CHAT: variants seen among roughly 807,000 people sequenced by gnomAD.
CHAT encodes acetyl CoA:choline O-acetyltransferase.
A neutral mutation model predicts 76.9 loss-of-function variants in CHAT; 61 were observed. That is an observed-to-expected ratio of 0.79 (90% CI 0.65 to 0.98). The LOEUF (loss-of-function observed/expected upper bound fraction) is 0.98. CHAT is among the 50% of genes least tolerant of loss of function. The pLI, the probability that CHAT is intolerant of heterozygous loss-of-function variation, is 0.00. For missense variants in CHAT, 946 were observed against 986.9 expected (o/e 0.96, Z 0.56); for synonymous variants, 407 against 397.4 (o/e 1.02, Z -0.29).
intron 4 of CHAT, 77 bp from the exon 5 acceptor site, chr10:49,622,020 G>C (rs1838739681): frequency 1.3e-6 from 2 of 1,511,180 alleles, no homozygotes; most frequent in Non-Finnish European, 1.8e-6. Context: ...GAAGGAGGGA[G>C]GGGAGGCAGA....
rs199675090 is a variant in CHAT at position 49,619,751 on chromosome 10, G to A, written c.414G>A (p.Pro138=). ...GGCTGCCCAAACTGCCCGTGCCCCC[G>A]CTGCAGCAGACCCTGGCCACGTACC... The part of the protein sequence containing the change: ...ESGLPKLPVP[P]LQQTLATYLQ... Residue 138 remains proline, a synonymous_variant, in exon 3 of 15, where the codon CCG becomes CCA. Coordinates refer to ENST00000337653, the MANE Select transcript of CHAT (RefSeq NM_020549.5). 1.2e-5 allele frequency: 20 copies of A among 1,613,048 alleles called. No homozygotes were observed. Among genetic ancestry groups the A allele is most frequent in the Middle Eastern group, 1.8e-4 (1 of 5,652 alleles).
intron 4 of CHAT, among the ~76,000 whole-genome samples, chr10:49,621,486 A>G (rs1251085643): frequency 1.3e-5 from 2 of 152,204 alleles, no homozygotes; most frequent in Non-Finnish European, 2.9e-5. Flanking sequence ...CTGGTATGAC[A>G]GTTCCCGCTG....
intron 7 of CHAT, 131 bp from the exon 8 acceptor site, chr10:49,646,374 G>A: frequency 8.5e-7 from 1 of 1,176,000 alleles, no homozygotes; most frequent in Non-Finnish European, 1.3e-6. Context: ...TGGGGGGTCA[G>A]GGCTGGCTCA....
intron 13 of CHAT, among the ~76,000 whole-genome samples, chr10:49,657,038 A>G (rs191272836): frequency 3.0e-4 from 46 of 152,354 alleles, no homozygotes; most frequent in Middle Eastern, 3.4e-3. Flanking sequence ...TGGCAGCAAC[A>G]TGTTAGAGCT....
At chr10:49,610,942 G>C, upstream of CHAT, 5 of 1,610,562 alleles carry the variant, frequency 3.1e-6, no homozygotes, top group Non-Finnish European at 4.2e-6. Flanking sequence ...GCGCGGGGGC[G>C]GCGAGGGCCC....
At chr10:49,630,189 G>A (rs551222422) in intron 7 of CHAT, among the ~76,000 whole-genome samples, 16 of 152,216 alleles carry the variant, frequency 1.1e-4, no homozygotes, top group South Asian at 2.1e-4. Flanking sequence ...GGACATCAGC[G>A]CATAAATGAT....
chr10:49,645,866 G>T (rs1003577225), intron 7 of CHAT, among the ~76,000 whole-genome samples: 2 of 152,178 alleles, frequency 1.3e-5, no homozygotes, highest in African/African-American at 4.8e-5. Context: ...TTGGATCCAT[G>T]AGTCCAAAAC....
chr10:49,616,652 G>T, intron 2 of CHAT, 50 bp downstream of exon 2: 1 of 1,298,956 alleles, frequency 7.7e-7, no homozygotes. Context: ...CCACCTACAT[G>T]CCCTTGCTTC....
At position 49,649,773 on chromosome 10, in the gene CHAT, C is replaced by G. The variant is rs1590611727; in HGVS notation, c.1511+137C>G. ...TCCTTGGGCTCCACCTCGTCCCCAT[C>G]CCTCATGTAGTCAAATTAAAGGAGA... is the stretch of plus-strand genomic sequence containing the variant. On this transcript the variant is annotated intron_variant, in intron 10 of 14. Coordinates refer to ENST00000337653, the MANE Select transcript of CHAT (RefSeq NM_020549.5). The G allele has an allele frequency of 3.5e-6, 3 of 864,314 alleles. No individual in the cohort carries two copies. The East Asian group carries it at 7.7e-5, about 22-fold the overall frequency. The allele number at this position is 864,314 out of a possible 1,614,324, so 53.5% of individuals were successfully genotyped here.
Position 49,622,296 on chromosome 10 carries a change from C to G in CHAT, c.752+146C>G, listed in dbSNP as rs970720575. ...ATGTCCCTGCCCCAACCCACTCCCC[C>G]ACCATCAGGATGACCTTTAGCCTGG... On this transcript the variant is annotated intron_variant, in intron 5 of 14. Coordinates refer to ENST00000337653, the MANE Select transcript of CHAT (RefSeq NM_020549.5). 2.8e-5 allele frequency: 24 copies of G among 861,988 alleles called. No homozygotes were observed. The South Asian group carries it at 3.0e-4, about 11-fold the overall frequency. 53.4% of individuals were successfully genotyped at this position (861,988 alleles called of 1,614,324 possible). A position where few individuals can be genotyped will look rare whatever the true frequency, so the allele number is the denominator to read the frequency against.
upstream of CHAT, chr10:49,612,200 A>G (rs371922639): frequency 6.2e-7 from 1 of 1,609,092 alleles, no homozygotes; most frequent in Non-Finnish European, 8.5e-7. Flanking sequence ...GTGCTGCTTG[A>G]TGAGCCACCG....
upstream of CHAT, chr10:49,613,215 T>C (rs1041014533): frequency 2.6e-5 from 4 of 152,180 alleles, no homozygotes; most frequent in Non-Finnish European, 5.9e-5. Flanking sequence ...GTGTATGATG[T>C]GATGTGTGTG....
intron 7 of CHAT, among the ~76,000 whole-genome samples, chr10:49,633,937 C>T (rs1172897769): frequency 1.3e-5 from 2 of 152,250 alleles, no homozygotes; most frequent in Non-Finnish European, 2.9e-5. Context: ...TCATGGTTTA[C>T]AAGAACCACT....
chr10:49,621,991 A>T, intron 4 of CHAT, 106 bp from the exon 5 acceptor site: 1 of 1,262,930 alleles, frequency 7.9e-7, no homozygotes, highest in Non-Finnish European at 1.1e-6. Context: ...GGGAAGAGGA[A>T]GGAGATGGAA....
upstream of CHAT, chr10:49,610,639 C>A: frequency 8.1e-7 from 1 of 1,242,030 alleles, no homozygotes; most frequent in Non-Finnish European, 1.1e-6. Flanking sequence ...TCTGCTCGGC[C>A]AGGACAGCCT....
intron 7 of CHAT, among the ~76,000 whole-genome samples, chr10:49,640,165 T>C (rs1259872086): frequency 1.3e-5 from 2 of 152,004 alleles, no homozygotes; most frequent in East Asian, 1.9e-4. Flanking sequence ...TTTATTTTAT[T>C]TTAATTTTAT....
rs1013408600 is a variant in CHAT, at chr10:49,665,740, A to T, written c.*694A>T. Among the ~76,000 whole-genome samples the T allele has an allele frequency of 2.0e-5, 3 of 152,066 alleles. No homozygotes were observed. Among genetic ancestry groups the T allele is most frequent in the African/African-American group, 7.2e-5 (3 of 41,416 alleles). ...TCCAGCTATTCTGAAAGGAAAAAAA[A>T]ATTTATCTGTGACTGCCCTGGAGTT... On this transcript the variant is annotated 3_prime_UTR_variant, in exon 15 of 15. Coordinates refer to ENST00000337653, the MANE Select transcript of CHAT (RefSeq NM_020549.5).
intron 7 of CHAT, among the ~76,000 whole-genome samples, chr10:49,630,561 G>A (rs376026334): frequency 2.6e-5 from 4 of 152,282 alleles, no homozygotes; most frequent in African/African-American, 4.8e-5. Flanking sequence ...GAGTATGGTC[G>A]ACTTTTTCTC....
chr10:49,657,848 G>T (rs1301987193), intron 13 of CHAT, among the ~76,000 whole-genome samples: 2 of 152,182 alleles, frequency 1.3e-5, no homozygotes, highest in Non-Finnish European at 2.9e-5. Context: ...ATGAGGTAGT[G>T]GTTTGCCAAG....
Sources: gnomAD v4.1 joint callset for allele counts (sites outside exome capture counted in the v4.1 genomes callset) on GRCh38, gnomAD v4.1.1 for gene constraint, MANE v1.5 for transcripts, NCBI Gene and HGNC (gene_info 2026-07-23, HGNC 2026-07-21) for gene names.